CACNG2: variants seen among roughly 807,000 people sequenced by gnomAD.
CACNG2 encodes the protein calcium voltage-gated channel auxiliary subunit gamma 2, also known as voltage-dependent calcium channel gamma-2 subunit.
In CACNG2, 3 loss-of-function variants were observed where a neutral mutation model predicts 25.9. The observed-to-expected ratio is 0.12, with a 90% CI of 0.05 to 0.30. The LOEUF is 0.30. Ranked by LOEUF, CACNG2 falls within the 10% of genes least tolerant of loss-of-function variation. The pLI is 1.00. For missense variants in CACNG2, 341 were observed against 432.5 expected, an observed-to-expected ratio of 0.79 and a Z score of 1.88; for synonymous variants, 167 against 173.3, an observed-to-expected ratio of 0.96 and a Z score of 0.29.
At chr22:36,575,700 C>T (rs979386715) in intron 2 of CACNG2, among the ~76,000 whole-genome samples, 3 of 152,148 alleles carry the variant, frequency 2.0e-5, no homozygotes, top group South Asian at 2.1e-4. Context: ...ATGATGGTCC[C>T]GTGCCCATCA....
chr22:36,595,454 TC>T (rs1268865134), intron 1 of CACNG2, among the ~76,000 whole-genome samples: 1 of 152,190 alleles, frequency 6.6e-6, no homozygotes, highest in Non-Finnish European at 1.5e-5. Flanking sequence ...GTTCCCCACC[TC>T]CAGCCCAGGG....
intron 1 of CACNG2, among the ~76,000 whole-genome samples, chr22:36,595,582 G>C (rs1442652203): frequency 6.6e-6 from 1 of 152,184 alleles, no homozygotes; most frequent in Non-Finnish European, 1.5e-5. Flanking sequence ...AAAAGGACTG[G>C]TCCCATCAGA....
intron 1 of CACNG2, among the ~76,000 whole-genome samples, chr22:36,621,244 A>T (rs1936098864): frequency 6.6e-6 from 1 of 152,224 alleles, no homozygotes; most frequent in Non-Finnish European, 1.5e-5. Flanking sequence ...GCGGGGGCTC[A>T]CGCCTGTAAT....
intron 1 of CACNG2, among the ~76,000 whole-genome samples, chr22:36,620,053 G>T (rs1038615829): frequency 6.6e-6 from 1 of 152,220 alleles, no homozygotes; most frequent in African/African-American, 2.4e-5. Context: ...GATTTTAAAA[G>T]ATTATCATCA....
intron 1 of CACNG2, among the ~76,000 whole-genome samples, chr22:36,690,246 TG>T (rs34904262): frequency 3.9e-5 from 6 of 152,150 alleles, no homozygotes; most frequent in Admixed American, 3.3e-4. Context: ...TCGGGAGCAG[TG>T]GGGACTCAGG....
At chr22:36,666,993 T>C (rs1422925611) in intron 1 of CACNG2, among the ~76,000 whole-genome samples, 2 of 120,776 alleles carry the variant, frequency 1.7e-5, no homozygotes, top group African/African-American at 8.1e-5. Flanking sequence ...GGATCACCAT[T>C]TTTTTTTTTT....
intron 1 of CACNG2, among the ~76,000 whole-genome samples, chr22:36,658,441 G>A (rs903758083): frequency 6.6e-6 from 1 of 152,140 alleles, no homozygotes; most frequent in Non-Finnish European, 1.5e-5. Flanking sequence ...CTGCATGCTG[G>A]GCTTTTCACA....
chr22:36,623,854 T>G (rs968096488), intron 1 of CACNG2, among the ~76,000 whole-genome samples: 4 of 152,204 alleles, frequency 2.6e-5, no homozygotes, highest in African/African-American at 7.2e-5. Context: ...CCAATTATTA[T>G]TTCTGCTGTC....
intron 2 of CACNG2, among the ~76,000 whole-genome samples, chr22:36,569,089 C>A (rs1935180624): frequency 6.6e-6 from 1 of 152,186 alleles, no homozygotes; most frequent in Admixed American, 6.5e-5. Context: ...AAAAAGCCAC[C>A]TTAACTCTCA....
At chr22:36,626,660 G>A (rs1936187774) in intron 1 of CACNG2, among the ~76,000 whole-genome samples, 1 of 152,126 alleles carries the variant, frequency 6.6e-6, no homozygotes, top group African/African-American at 2.4e-5. Flanking sequence ...TTAAAGAGTC[G>A]AGTCATATTT....
At chr22:36,569,781 C>A (rs999499713) in intron 2 of CACNG2, among the ~76,000 whole-genome samples, 1 of 152,170 alleles carries the variant, frequency 6.6e-6, no homozygotes, top group African/African-American at 2.4e-5. Flanking sequence ...CTCAGGTGAT[C>A]CACCGGCCTC....
intron 1 of CACNG2, among the ~76,000 whole-genome samples, chr22:36,620,112 T>C (rs1936083231): frequency 6.6e-6 from 1 of 152,250 alleles, no homozygotes; most frequent in African/African-American, 2.4e-5. Context: ...ACACAGTGCC[T>C]GGACTGCTGA....
chr22:36,644,623 T>C (rs1430769930), intron 1 of CACNG2, among the ~76,000 whole-genome samples: 5 of 152,232 alleles, frequency 3.3e-5, no homozygotes, highest in Non-Finnish European at 5.9e-5. Context: ...AGAGGTAGCA[T>C]GGCTGAATGA....
chr22:36,578,281 C>T (rs1268088591), intron 2 of CACNG2, among the ~76,000 whole-genome samples: 2 of 151,232 alleles, frequency 1.3e-5, no homozygotes, highest in Non-Finnish European at 2.9e-5. Flanking sequence ...TTGCTTGAAC[C>T]CAGGAGGCGG....
chr22:36,591,280 C>A, intron 1 of CACNG2, among the ~76,000 whole-genome samples: 1 of 152,182 alleles, frequency 6.6e-6, no homozygotes, highest in Non-Finnish European at 1.5e-5. Flanking sequence ...CCGCCTGCTT[C>A]GGCCTCCCAA....
chr22:36,587,384 G>C, intron 2 of CACNG2, 81 bp downstream of exon 2: 1 of 1,014,740 alleles, frequency 9.9e-7, no homozygotes, highest in Non-Finnish European at 1.6e-6. Context: ...CCTCTAGGTA[G>C]GCCTGGTCCT....
At chr22:36,661,432 CT>C (rs888220117) in intron 1 of CACNG2, among the ~76,000 whole-genome samples, 23 of 152,206 alleles carry the variant, frequency 1.5e-4, no homozygotes, top group African/African-American at 4.3e-4. Context: ...CATCCAACTT[CT>C]CTCATGCTTA....
chr22:36,567,108 A>G (rs188885392), intron 2 of CACNG2, among the ~76,000 whole-genome samples: 3 of 152,340 alleles, frequency 2.0e-5, no homozygotes, highest in Non-Finnish European at 4.4e-5. Context: ...TGCAATAGAA[A>G]AAGTATCTCA....
rs566285988 is a variant in CACNG2, at chr22:36,695,976, C to T, written c.211+6390G>A. 9.3e-4 allele frequency among the ~76,000 whole-genome samples: 142 copies of T among 152,266 alleles called. 3 individuals are homozygous for T. The South Asian group carries it at 0.028, about 30-fold the overall frequency. ...CGAACTAACCTGGAAACGTACAATG[C>T]CTATTGCGTTTGAATATGGGTTTTT... On this transcript the variant is annotated intron_variant, in intron 1 of 3. Coordinates refer to ENST00000300105, the MANE Select transcript of CACNG2 (RefSeq NM_006078.5).
Sources: gnomAD v4.1 joint callset for allele counts (sites outside exome capture counted in the v4.1 genomes callset) on GRCh38, gnomAD v4.1.1 for gene constraint, MANE v1.5 for transcripts, NCBI Gene and HGNC (gene_info 2026-07-23, HGNC 2026-07-21) for gene names.